The following DENND2A variants were observed in gnomAD, a reference collection of about 807,000 sequenced individuals.
The protein encoded by DENND2A is DENN domain containing 2A, also known as DENN domain-containing protein 2A.
In DENND2A, 53 loss-of-function variants were observed where a neutral mutation model predicts 105.3. The observed-to-expected ratio is 0.50, with a 90% CI of 0.40 to 0.63. The LOEUF is 0.63. DENND2A is among the 30% of genes least tolerant of loss of function. The pLI is 0.00. For synonymous variants in DENND2A, 522 were observed against 508.4 expected, an observed-to-expected ratio of 1.03 and a Z score of -0.36; for missense variants, 1,138 against 1,279.6, an observed-to-expected ratio of 0.89 and a Z score of 1.69.
At chr7:140,583,832 C>T (rs1234365653) in intron 5 of DENND2A, among the ~76,000 whole-genome samples, 5 of 143,858 alleles carry the variant, frequency 3.5e-5, no homozygotes, top group Non-Finnish European at 6.0e-5. Flanking sequence ...AGGCTGAGGC[C>T]GGAGAATGGC....
chr7:140,557,386 G>T (rs906889633), intron 11 of DENND2A, among the ~76,000 whole-genome samples: 2 of 151,102 alleles, frequency 1.3e-5, no homozygotes, highest in African/African-American at 2.4e-5. Context: ...AGGCAGCAGA[G>T]TGAGACCCTG....
intron 3 of DENND2A, among the ~76,000 whole-genome samples, chr7:140,593,654 G>C (rs1490852050): frequency 1.3e-5 from 2 of 152,118 alleles, no homozygotes; most frequent in East Asian, 3.9e-4. Flanking sequence ...AAAGGTTTAG[G>C]TCTGAAACCT....
chr7:140,620,513 C>CA (rs1166531762), intron 1 of DENND2A, among the ~76,000 whole-genome samples: 2 of 152,174 alleles, frequency 1.3e-5, no homozygotes, highest in East Asian at 1.9e-4. Context: ...ACCACCCCCC[C>CA]ACCAGATTTC....
In DENND2A at chr7:140,607,924, G is replaced by A. The variant is rs558028673; in HGVS notation, c.-247-2118C>T. Among the ~76,000 whole-genome samples, 8 of 152,354 alleles carry A rather than the reference G, an allele frequency of 5.3e-5. No homozygotes were observed. The South Asian group carries it at 1.2e-3, about 24-fold the overall frequency. ...GATGCACCGAAGGACTCAAAGATGA[G>A]TAAGAGTCTCTGCCGTCATCGAGAG... On this transcript the variant is annotated intron_variant, in intron 1 of 19. Transcript: ENST00000496613.
chr7:140,621,533 G>T (rs78582751), intron 1 of DENND2A, among the ~76,000 whole-genome samples: 1 of 72,712 alleles, frequency 1.4e-5, no homozygotes, highest in African/African-American at 5.6e-5. Flanking sequence ...GTTCTGGAAT[G>T]TTTTTTTTCT....
chr7:140,581,840 G>A (rs996940260), intron 5 of DENND2A, among the ~76,000 whole-genome samples: 3 of 152,226 alleles, frequency 2.0e-5, no homozygotes, highest in Non-Finnish European at 4.4e-5. Flanking sequence ...GGGCTTAGCT[G>A]CTTTGGTGGC....
In DENND2A at chr7:140,527,371, T is replaced by C. The variant is rs542386012; in HGVS notation, c.2452A>G (p.Ile818Val). 1.2e-6 allele frequency: 2 copies of C among 1,605,668 alleles called. No homozygotes were observed. The highest frequency in any genetic ancestry group is 2.7e-5 in the African/African-American group (2 of 74,954). The change falls in exon 15 of 20, where the codon ATC becomes GTC. Residue 818 changes from isoleucine (I) to valine (V), a missense_variant. Ile to Val is a conservative substitution (Grantham distance 29, BLOSUM62 3). Around this residue, in one of 2 missense-constraint regions of DENND2A, gnomAD observed 627 missense variants for 779.8 expected, o/e 0.80. Transcript: ENST00000496613. The surrounding 1 kb of genome is among the most constrained non-coding windows in gnomAD (Gnocchi z 4.9). ...GGCAGCGAGCTGGAGAGCAGCCCGA[T>C]GAGGAAGGGCGTCGGCGAGCACACG... is the stretch of plus-strand genomic sequence containing the variant. ...DIVCSPTPFL[I>V]GLLSSSLPLL...
chr7:140,574,024 A>G lies in DENND2A; in HGVS notation c.1246-16T>C, dbSNP rs758078198. On this transcript the variant is annotated splice_polypyrimidine_tract_variant and intron_variant, in intron 5 of 19. Coordinates refer to ENST00000496613, the MANE Select transcript of DENND2A (RefSeq NM_015689.5). ...ACAATGACTGCTGTGAAGGAAAAGG[A>G]GAAAAGAAGAGTAAATGAATTCAAA... 1 of 1,614,022 alleles carries G rather than the reference A, an allele frequency of 6.2e-7. No individual in the cohort carries two copies. The highest frequency in any genetic ancestry group is 8.5e-7 in the Non-Finnish European group (1 of 1,179,922).
rs186488912 is a variant in DENND2A, at chr7:140,550,828, A to G, written c.2038-3889T>C. Among the ~76,000 whole-genome samples, 152 of 152,338 alleles carry G rather than the reference A, an allele frequency of 1.0e-3. 1 individual carries two copies. Among genetic ancestry groups the G allele is most frequent in the Admixed American group, 2.1e-3 (32 of 15,286 alleles). On this transcript the variant is annotated intron_variant, in intron 12 of 19. Transcript: ENST00000496613. ...GGAGATAGATGGTGGTGATGGTTGC[A>G]CAACAATGTGAGTGTAATGGCACCG...
At chr7:140,613,683 C>A (rs73165441) in intron 1 of DENND2A, among the ~76,000 whole-genome samples, 9,668 of 72,574 alleles carry the variant, frequency 0.13, 909 homozygotes, top group African/African-American at 0.47. Flanking sequence ...AAAAAAAAAA[C>A]AAACAAAAAA....
At chr7:140,624,866 TTG>T (rs1290621603) in intron 1 of DENND2A, among the ~76,000 whole-genome samples, 125 of 145,178 alleles carry the variant, frequency 8.6e-4, no homozygotes, top group African/African-American at 3.3e-3. Flanking sequence ...TTGTTTTTTT[TTG>T]TTTTTTTTTT....
rs149756963 is a variant in DENND2A at position 140,534,814 on chromosome 7, G to A, written c.2328-7319C>T. Among the ~76,000 whole-genome samples, 507 of 152,276 alleles carry A rather than the reference G, an allele frequency of 3.3e-3. 4 individuals carry two copies. The highest frequency in any genetic ancestry group is 0.011 in the African/African-American group (466 of 41,542). ...TTACAGTGGTGTGGAGGAAAGAAAC[G>A]CCAGCACTCACAGCTGTGATCAATT... On this transcript the variant is annotated intron_variant, in intron 14 of 19. Coordinates refer to ENST00000496613, the MANE Select transcript of DENND2A (RefSeq NM_015689.5).
chr7:140,586,344 C>T (rs1341183406), intron 4 of DENND2A, among the ~76,000 whole-genome samples: 4 of 149,444 alleles, frequency 2.7e-5, no homozygotes, highest in African/African-American at 1.0e-4. Flanking sequence ...TGTGGGAAAA[C>T]CCCGTCCCTC....
intron 13 of DENND2A, among the ~76,000 whole-genome samples, chr7:140,546,246 C>T (rs775240395): frequency 2.0e-5 from 3 of 151,878 alleles, no homozygotes; most frequent in South Asian, 2.1e-4. Flanking sequence ...GGTGAAACTC[C>T]GTCTGTACTA....
intron 3 of DENND2A, among the ~76,000 whole-genome samples, chr7:140,593,804 C>T (rs1799163473): frequency 6.6e-6 from 1 of 152,216 alleles, no homozygotes; most frequent in Non-Finnish European, 1.5e-5. Flanking sequence ...AACCACAAGA[C>T]CTCACTGTTT....
At chr7:140,558,579 C>A (rs1230051099) in intron 10 of DENND2A, among the ~76,000 whole-genome samples, 1 of 151,948 alleles carries the variant, frequency 6.6e-6, no homozygotes, top group East Asian at 1.9e-4. Context: ...GCCTGTAATC[C>A]CAGCTACTGG....
chr7:140,545,251 C>A (rs183585876), intron 13 of DENND2A, among the ~76,000 whole-genome samples: 62 of 152,296 alleles, frequency 4.1e-4, no homozygotes, highest in African/African-American at 1.4e-3. Context: ...AGCAGCACTT[C>A]GGAGACTCGC....
chr7:140,633,894 C>G (rs1800824952), intron 1 of DENND2A, among the ~76,000 whole-genome samples: 1 of 152,144 alleles, frequency 6.6e-6, no homozygotes, highest in Non-Finnish European at 1.5e-5. Flanking sequence ...AGCCTCCAAC[C>G]TCGGCTACTA....
At chr7:140,587,428 C>A (rs1365553099) in intron 4 of DENND2A, among the ~76,000 whole-genome samples, 1 of 152,180 alleles carries the variant, frequency 6.6e-6, no homozygotes, top group African/African-American at 2.4e-5. Flanking sequence ...CTTGGCCACT[C>A]ATTACCAGCT....
Sources: gnomAD v4.1 joint callset for allele counts (sites outside exome capture counted in the v4.1 genomes callset) on GRCh38, gnomAD v4.1.1 for gene constraint, gnomAD v4.1.1 regional missense constraint, Gnocchi (gnomAD v3.1) non-coding constraint, MANE v1.5 for transcripts, NCBI Gene and HGNC (gene_info 2026-07-23, HGNC 2026-07-21) for gene names.